ALK: variants seen among roughly 807,000 people sequenced by gnomAD.
ALK encodes ALK receptor tyrosine kinase.
A neutral mutation model predicts 163.1 loss-of-function variants in ALK; 74 were observed. The ratio of observed to expected loss-of-function variants is 0.45; its 90% confidence interval spans 0.38 to 0.55. ALK has a LOEUF of 0.55. ALK is among the 20% of genes least tolerant of loss of function. The probability of loss-of-function intolerance (pLI) is 0.00; values close to 1 mark genes in which losing one functional copy is unlikely to be tolerated. For synonymous variants in ALK, 960 were observed against 843.2 expected (o/e 1.14, Z -2.40); for missense variants, 2,063 against 2,105.3 (o/e 0.98, Z 0.39).
At chr2:29,450,541 G>T (rs1405102388) in intron 4 of ALK, among the ~76,000 whole-genome samples, 1 of 152,122 alleles carries the variant, frequency 6.6e-6, no homozygotes, top group African/African-American at 2.4e-5. Flanking sequence ...TAGACAGAGG[G>T]TAGATAGATT....
chr2:29,394,065 G>A (rs1669243918), intron 4 of ALK, among the ~76,000 whole-genome samples: 1 of 152,132 alleles, frequency 6.6e-6, no homozygotes, highest in Admixed American at 6.5e-5. Flanking sequence ...AGACAATGAG[G>A]AACTCTAATC....
intron 1 of ALK, among the ~76,000 whole-genome samples, chr2:29,723,770 T>A (rs896233189): frequency 9.2e-5 from 14 of 152,224 alleles, no homozygotes; most frequent in Non-Finnish European, 1.6e-4. Flanking sequence ...GTCATATCAT[T>A]CTTAAAATTG....
chr2:29,804,911 C>G (rs538550945), intron 1 of ALK, among the ~76,000 whole-genome samples: 1 of 152,100 alleles, frequency 6.6e-6, no homozygotes, highest in Non-Finnish European at 1.5e-5. Context: ...TGTTATGGTG[C>G]GTTGATTGTC....
At chr2:29,446,546 G>C (rs1482995453) in intron 4 of ALK, among the ~76,000 whole-genome samples, 1 of 152,144 alleles carries the variant, frequency 6.6e-6, no homozygotes, top group South Asian at 2.1e-4. Flanking sequence ...ATTGACCCCT[G>C]GATACACTAA....
chr2:29,775,831 C>T (rs542386842), intron 1 of ALK, among the ~76,000 whole-genome samples: 19 of 152,286 alleles, frequency 1.2e-4, no homozygotes, highest in African/African-American at 4.3e-4. Context: ...GTAGAATGAT[C>T]AATGACTGTA....
At chr2:29,440,311 T>G (rs1670505727) in intron 4 of ALK, among the ~76,000 whole-genome samples, 1 of 96,462 alleles carries the variant, frequency 1.0e-5, no homozygotes, top group Non-Finnish European at 2.3e-5. Context: ...GGTTACGTGA[T>G]GAATCAATTT....
chr2:29,334,096 G>A (rs1667537796), intron 5 of ALK, among the ~76,000 whole-genome samples: 1 of 152,062 alleles, frequency 6.6e-6, no homozygotes, highest in African/African-American at 2.4e-5. Flanking sequence ...CGGCCCTGGG[G>A]ATCTAGATCT....
At position 29,316,450 on chromosome 2, in the gene ALK, C is replaced by T. The variant is rs146189680; in HGVS notation, c.1647+1854G>A. Among the ~76,000 whole-genome samples the T allele has an allele frequency of 3.1e-3, 468 of 151,972 alleles. 1 individual carries two copies. Among genetic ancestry groups the T allele is most frequent in the African/African-American group, 0.011 (442 of 41,280 alleles). Reference sequence around the variant, plus strand: ...GGAAAAATAAAACAGGCCAGTAAAACGAAACACCTGTTTAAGCTATTGATC... The same window carrying T: ...GGAAAAATAAAACAGGCCAGTAAAATGAAACACCTGTTTAAGCTATTGATC... On this transcript the variant is annotated intron_variant, in intron 8 of 28. Transcript: ENST00000389048.
At chr2:29,593,084 C>T (rs1252012425) in intron 3 of ALK, among the ~76,000 whole-genome samples, 1 of 152,224 alleles carries the variant, frequency 6.6e-6, no homozygotes, top group Non-Finnish European at 1.5e-5. Context: ...TGTTGCCATA[C>T]ATTGGACAGA....
intron 11 of ALK, among the ~76,000 whole-genome samples, chr2:29,265,104 C>G (rs944424883): frequency 5.3e-5 from 8 of 152,152 alleles, no homozygotes; most frequent in African/African-American, 1.9e-4. Flanking sequence ...ACTGCAACCT[C>G]TGCTTCCTGG....
chr2:29,584,633 A>G (rs1403587654), intron 3 of ALK, among the ~76,000 whole-genome samples: 1 of 152,194 alleles, frequency 6.6e-6, no homozygotes, highest in African/African-American at 2.4e-5. Context: ...TTCTTCACAG[A>G]GAAACTCCAG....
chr2:29,906,722 A>T (rs970681805), intron 1 of ALK, among the ~76,000 whole-genome samples: 1 of 152,188 alleles, frequency 6.6e-6, no homozygotes, highest in Admixed American at 6.5e-5. Context: ...AAAAACGAAA[A>T]GAGTACTAAA....
At chr2:29,330,669 T>A (rs1184618974) in intron 5 of ALK, among the ~76,000 whole-genome samples, 5 of 152,164 alleles carry the variant, frequency 3.3e-5, no homozygotes, top group African/African-American at 1.2e-4. Context: ...ATTAAGAATC[T>A]TTAGCTGGAG....
intron 3 of ALK, among the ~76,000 whole-genome samples, chr2:29,625,732 A>G (rs935267043): frequency 6.6e-6 from 1 of 152,216 alleles, no homozygotes; most frequent in Non-Finnish European, 1.5e-5. Context: ...TGTTAATCCC[A>G]TGCTTGCTGC....
intron 3 of ALK, among the ~76,000 whole-genome samples, chr2:29,589,609 C>T (rs1387039546): frequency 6.6e-6 from 1 of 152,220 alleles, no homozygotes; most frequent in East Asian, 1.9e-4. Context: ...ACCTCAAACA[C>T]TCACAGCCTG....
At position 29,800,320 on chromosome 2, in the gene ALK, A is replaced by G. The variant is rs142730206; in HGVS notation, c.668-82623T>C. Among the ~76,000 whole-genome samples the G allele has an allele frequency of 2.9e-4, 44 of 152,354 alleles. 1 individual carries two copies. The highest frequency in any genetic ancestry group is 9.6e-4 in the African/African-American group (40 of 41,582). ...AACCAGACTTAGTCCTTAGCATCTG[A>G]GCACAGAAACAAATCCTTGCATGTT... is the stretch of plus-strand genomic sequence containing the variant. On this transcript the variant is annotated intron_variant, in intron 1 of 28. Transcript: ENST00000389048.
chr2:29,208,000 T>C (rs1669359539), intron 25 of ALK: 1 of 441,058 alleles, frequency 2.3e-6, no homozygotes, highest in Non-Finnish European at 4.7e-6. Flanking sequence ...CATTAATTAA[T>C]TACCTCAATA....
At chr2:29,410,155 C>T (rs184484994) in intron 4 of ALK, among the ~76,000 whole-genome samples, 15 of 152,170 alleles carry the variant, frequency 9.9e-5, no homozygotes, top group East Asian at 5.8e-4. Flanking sequence ...CAAACCTAGA[C>T]GGTGTGAAAG....
In ALK at chr2:29,433,445, C is replaced by A. The variant is rs1344844146; in HGVS notation, c.1155-49586G>T. ...GCTTGATACTATATCTGAGAGAATA[C>A]CAAATTGTTCCCCCCAAGTGCTTAC... On this transcript the variant is annotated intron_variant, in intron 4 of 28. Coordinates refer to ENST00000389048, the MANE Select transcript of ALK (RefSeq NM_004304.5). Among the ~76,000 whole-genome samples the A allele has an allele frequency of 2.6e-5, 4 of 152,208 alleles. No individual in the cohort carries two copies. The South Asian group carries it at 8.3e-4, about 32-fold the overall frequency.
Sources: allele counts gnomAD v4.1 joint callset (sites outside exome capture counted in the v4.1 genomes callset), GRCh38; gene constraint gnomAD v4.1.1; transcripts MANE v1.5; gene names NCBI Gene and HGNC (gene_info 2026-07-23, HGNC 2026-07-21).